Variants in NRG3 observed in about 807,000 individuals in gnomAD.
The protein encoded by NRG3 is neuregulin 3.
In NRG3, 31 loss-of-function variants were observed where a neutral mutation model predicts 66.9. That is an observed-to-expected ratio of 0.46 (90% CI 0.35 to 0.63). The LOEUF (loss-of-function observed/expected upper bound fraction) is 0.63. NRG3 is among the 20% of genes least tolerant of loss of function. The probability of loss-of-function intolerance (pLI) is 0.00; values close to 1 mark genes in which losing one functional copy is unlikely to be tolerated. For missense variants in NRG3, 910 were observed against 878.9 expected (o/e 1.04, Z -0.45); for synonymous variants, 393 against 359.4 (o/e 1.09, Z -1.06).
chr10:82,002,762 TA>T (rs2061223823), intron 1 of NRG3, among the ~76,000 whole-genome samples: 1 of 152,206 alleles, frequency 6.6e-6, no homozygotes, highest in South Asian at 2.1e-4. Flanking sequence ...CCACTGTGCA[TA>T]GATGCAAGAA....
chr10:82,418,169 TG>T (rs1459850607), intron 2 of NRG3, among the ~76,000 whole-genome samples: 1 of 152,192 alleles, frequency 6.6e-6, no homozygotes, highest in African/African-American at 2.4e-5. Flanking sequence ...GTGTTTAAAA[TG>T]TAAGTTTAGG....
intron 1 of NRG3, among the ~76,000 whole-genome samples, chr10:82,243,945 A>C (rs755277130): frequency 6.6e-6 from 1 of 152,132 alleles, no homozygotes; most frequent in South Asian, 2.1e-4. Context: ...ATCTGTCTGG[A>C]AATTTTTGTT....
intron 1 of NRG3, among the ~76,000 whole-genome samples, chr10:82,325,285 G>T (rs1164503436): frequency 6.6e-6 from 1 of 151,966 alleles, no homozygotes; most frequent in African/African-American, 2.4e-5. Context: ...GGGCTCAAGA[G>T]ATTCTGCCAT....
chr10:82,027,968 A>T (rs1206262850), intron 1 of NRG3, among the ~76,000 whole-genome samples: 1 of 152,090 alleles, frequency 6.6e-6, no homozygotes, highest in Non-Finnish European at 1.5e-5. Context: ...TGTCCCATCC[A>T]CTACTCACTG....
chr10:82,164,747 A>G (rs1272686826), intron 1 of NRG3, among the ~76,000 whole-genome samples: 3 of 152,198 alleles, frequency 2.0e-5, no homozygotes, highest in Non-Finnish European at 4.4e-5. Context: ...TATTCATATT[A>G]GGAAAACTAG....
At chr10:82,624,557 G>A (rs1308643925) in intron 2 of NRG3, among the ~76,000 whole-genome samples, 4 of 151,946 alleles carry the variant, frequency 2.6e-5, no homozygotes, top group South Asian at 2.1e-4. Context: ...AACTGGAAAC[G>A]TAAATTACAG....
At chr10:82,889,884 A>AC (rs952619614) in intron 4 of NRG3, among the ~76,000 whole-genome samples, 16 of 152,036 alleles carry the variant, frequency 1.1e-4, no homozygotes, top group African/African-American at 3.6e-4. Flanking sequence ...GCAGCACTCC[A>AC]CCCTCACCAT....
rs372384055 is a variant in NRG3, at chr10:82,720,648, AC to A, written c.954-17927del. 5.5e-3 allele frequency among the ~76,000 whole-genome samples: 834 copies of A among 151,826 alleles called. 9 individuals are homozygous for A. Among genetic ancestry groups the A allele is most frequent in the African/African-American group, 0.019 (788 of 41,348 alleles). Reference sequence around the variant, plus strand: ...AGTGTCATGAGGGTTACTTTACCTAACCTTTGTAATGCTCTCAGCACATGGG... The same window carrying A: ...AGTGTCATGAGGGTTACTTTACCTAACTTTGTAATGCTCTCAGCACATGGG... On this transcript the variant is annotated intron_variant, in intron 2 of 8. Coordinates refer to ENST00000372141, the MANE Select transcript of NRG3 (RefSeq NM_001010848.4).
intron 2 of NRG3, among the ~76,000 whole-genome samples, chr10:82,474,985 A>G (rs971841050): frequency 6.6e-6 from 1 of 152,030 alleles, no homozygotes; most frequent in Non-Finnish European, 1.5e-5. Context: ...GCCGAAAGAA[A>G]AAAAAAAGGA....
chr10:82,802,450 A>T (rs1372375566), intron 3 of NRG3, among the ~76,000 whole-genome samples: 1 of 152,188 alleles, frequency 6.6e-6, no homozygotes, highest in African/African-American at 2.4e-5. Flanking sequence ...GCTCAGGTTT[A>T]ATGGACTAAA....
At chr10:82,173,698 C>CACACACACAG (rs1278380735) in intron 1 of NRG3, among the ~76,000 whole-genome samples, 5 of 151,256 alleles carry the variant, frequency 3.3e-5, no homozygotes, top group African/African-American at 1.2e-4. Flanking sequence ...CACACACACA[C>CACACACACAG]ACACACGCAT....
intron 3 of NRG3, among the ~76,000 whole-genome samples, chr10:82,776,409 C>G (rs750532787): frequency 4.6e-5 from 7 of 152,120 alleles, no homozygotes; most frequent in Non-Finnish European, 7.4e-5. Context: ...AGTGAGCACC[C>G]CTTTGGTAGA....
At chr10:82,662,552 T>A (rs1222678823) in intron 2 of NRG3, among the ~76,000 whole-genome samples, 1 of 151,888 alleles carries the variant, frequency 6.6e-6, no homozygotes, top group Non-Finnish European at 1.5e-5. Flanking sequence ...AGACAGTCAA[T>A]CATAGTTCAA....
intron 3 of NRG3, among the ~76,000 whole-genome samples, chr10:82,853,140 A>T (rs1287754325): frequency 1.3e-5 from 2 of 152,138 alleles, no homozygotes; most frequent in Non-Finnish European, 1.5e-5. Context: ...GAGTGTGTGT[A>T]TGTGTGTATT....
At chr10:82,909,710 T>C (rs562073628) in intron 4 of NRG3, among the ~76,000 whole-genome samples, 29 of 152,200 alleles carry the variant, frequency 1.9e-4, no homozygotes, top group Non-Finnish European at 2.9e-4. Flanking sequence ...TATGCTATGC[T>C]CTGTGATATC....
chr10:82,812,414 T>A (rs911813562), intron 3 of NRG3, among the ~76,000 whole-genome samples: 3 of 152,208 alleles, frequency 2.0e-5, no homozygotes, highest in Non-Finnish European at 2.9e-5. Flanking sequence ...GAACAAAAAG[T>A]CTACTTTGAA....
intron 2 of NRG3, among the ~76,000 whole-genome samples, chr10:82,384,060 T>G (rs1473924575): frequency 6.6e-6 from 1 of 152,122 alleles, no homozygotes; most frequent in East Asian, 1.9e-4. Context: ...CAGATAATTT[T>G]GAATATAATT....
At chr10:82,296,263 C>A (rs781180939) in intron 1 of NRG3, among the ~76,000 whole-genome samples, 3 of 152,090 alleles carry the variant, frequency 2.0e-5, no homozygotes, top group Admixed American at 2.0e-4. Flanking sequence ...TTAAACTCGT[C>A]CCAAAGGCAA....
At chr10:82,982,117 G>C (rs1472212651) in intron 8 of NRG3, among the ~76,000 whole-genome samples, 1 of 152,132 alleles carries the variant, frequency 6.6e-6, no homozygotes, top group African/African-American at 2.4e-5. Context: ...CACATTTATG[G>C]CTGATGATTT....
Sources: gnomAD v4.1 joint callset for allele counts (sites outside exome capture counted in the v4.1 genomes callset) on GRCh38, gnomAD v4.1.1 for gene constraint, MANE v1.5 for transcripts, NCBI Gene and HGNC (gene_info 2026-07-23, HGNC 2026-07-21) for gene names.